ACOXL: variants seen among roughly 807,000 people sequenced by gnomAD.
ACOXL encodes acyl-CoA oxidase like.
In ACOXL, 70 loss-of-function variants were observed where a neutral mutation model predicts 71.9. The ratio of observed to expected loss-of-function variants is 0.97; its 90% CI spans 0.80 to 1.19. ACOXL has a LOEUF of 1.19. ACOXL is among the 50% of genes most tolerant of loss of function. ACOXL has a pLI of 0.00. For missense variants in ACOXL, 703 were observed against 736.3 expected (o/e 0.95, Z 0.52); for synonymous variants, 253 against 281.6 (o/e 0.90, Z 1.02).
chr2:110,915,348 ATATGTGTGTGTGTGTG>A (rs1287404184), intron 11 of ACOXL, among the ~76,000 whole-genome samples: 2 of 127,150 alleles, frequency 1.6e-5, no homozygotes, highest in African/African-American at 5.6e-5. Flanking sequence ...ATATATATAT[ATATGTGTGTGTGTGTG>A]TGTGTGTGTG....
intron 10 of ACOXL, among the ~76,000 whole-genome samples, chr2:110,895,013 T>A (rs1434040624): frequency 6.6e-6 from 1 of 152,094 alleles, no homozygotes; most frequent in African/African-American, 2.4e-5. Flanking sequence ...TGAAAATCAC[T>A]CACTATATCA....
chr2:110,768,435 CCT>C lies in ACOXL; in HGVS notation c.49_50del (p.Leu17ValfsTer55). On this transcript the variant is annotated frameshift_variant, in exon 2 of 18. Coordinates refer to ENST00000439055, the MANE Select transcript of ACOXL (RefSeq NM_001142807.4). LOFTEE classifies it high-confidence loss of function. Reference sequence around the variant, plus strand: ...GAGAGTGAAGTTTGCCATGGACCTGCCTCTGTTAAAACGTGCAGGTCAGGATC... The same window carrying C: ...GAGAGTGAAGTTTGCCATGGACCTGCCTGTTAAAACGTGCAGGTCAGGATC... ...VQRVKFAMDL[P>X]LLKRAGQDLA... 6.2e-7 allele frequency: 1 copy of C among 1,613,284 alleles called. No individual in the cohort carries two copies. The highest frequency in any genetic ancestry group is 8.5e-7 in the Non-Finnish European group (1 of 1,179,884).
At chr2:111,085,055 C>T (rs1446952839) in intron 16 of ACOXL, among the ~76,000 whole-genome samples, 2 of 152,102 alleles carry the variant, frequency 1.3e-5, no homozygotes, top group Non-Finnish European at 2.9e-5. Flanking sequence ...ATGTACACAA[C>T]ACAGGAACAC....
At position 111,022,093 on chromosome 2, in the gene ACOXL, C is replaced by G. The variant is rs749742923; in HGVS notation, c.1282-9534C>G. ...GAAGGCCGGACGTGGTGGCTCATGC[C>G]TGTAATCCCAGCACTTTGGGAGGCC... On this transcript the variant is annotated intron_variant, in intron 14 of 17. Transcript: ENST00000439055. Among the ~76,000 whole-genome samples, 35 of 152,260 alleles carry G rather than the reference C, an allele frequency of 2.3e-4. No individual in the cohort carries two copies. The Middle Eastern group carries it at 0.024, about 104-fold the overall frequency.
intron 14 of ACOXL, among the ~76,000 whole-genome samples, chr2:111,012,659 C>A (rs1316439100): frequency 6.6e-6 from 1 of 152,160 alleles, no homozygotes; most frequent in Non-Finnish European, 1.5e-5. Context: ...TCTGGAAAAT[C>A]TTCCAAATAT....
At position 111,091,447 on chromosome 2, in the gene ACOXL, C is replaced by A. The variant is rs76894640; in HGVS notation, c.1441-1418C>A. ...GTCACTGATCTTATATTTTTGTATACCTGAGCGATGAGGATTAAATTTCTG... is the reference window on the plus strand; with the variant it reads ...GTCACTGATCTTATATTTTTGTATAACTGAGCGATGAGGATTAAATTTCTG... On this transcript the variant is annotated intron_variant, in intron 16 of 17. Coordinates refer to ENST00000439055, the MANE Select transcript of ACOXL (RefSeq NM_001142807.4). Among the ~76,000 whole-genome samples, 1,201 of 152,208 alleles carry A rather than the reference C, an allele frequency of 7.9e-3. 15 individuals are homozygous for A. Among genetic ancestry groups the A allele is most frequent in the East Asian group, 0.047 (243 of 5,184 alleles).
chr2:110,770,035 C>G (rs1234474590), intron 2 of ACOXL, among the ~76,000 whole-genome samples: 2 of 151,990 alleles, frequency 1.3e-5, no homozygotes, highest in African/African-American at 4.8e-5. Context: ...GGAGTGAGAC[C>G]CTGTCTCAAA....
intron 14 of ACOXL, among the ~76,000 whole-genome samples, chr2:111,008,642 ATGT>A (rs779441763): frequency 1.3e-5 from 2 of 152,170 alleles, no homozygotes; most frequent in South Asian, 2.1e-4. Context: ...GTTTCTAGAA[ATGT>A]TGTTGTTAGG....
chr2:110,734,889 A>G (rs939180017), intron 1 of ACOXL, among the ~76,000 whole-genome samples: 2 of 1,120 alleles, frequency 1.8e-3, no homozygotes, highest in Admixed American at 8.9e-3. Flanking sequence ...TTTCCCCCTT[A>G]TTGACTTACA....
rs180780519 is a variant in ACOXL, at chr2:110,851,973, C to T, written c.788+10568C>T. Among the ~76,000 whole-genome samples the T allele has an allele frequency of 4.7e-3, 712 of 152,234 alleles. 3 individuals are homozygous for T. Among genetic ancestry groups the T allele is most frequent in the African/African-American group, 0.017 (689 of 41,492 alleles). ...GCTGAGTGCAGGGCAGAGAGCAGGA[C>T]GGAGAGAGAATGAGCTTGGAGGAAG... On this transcript the variant is annotated intron_variant, in intron 10 of 17. Coordinates refer to ENST00000439055, the MANE Select transcript of ACOXL (RefSeq NM_001142807.4).
intron 10 of ACOXL, among the ~76,000 whole-genome samples, chr2:110,881,203 C>A (rs527504122): frequency 6.6e-6 from 1 of 151,330 alleles, no homozygotes. Context: ...ACATACATAT[C>A]ATATATGTAG....
intron 16 of ACOXL, among the ~76,000 whole-genome samples, chr2:111,081,297 T>G (rs2067905672): frequency 6.6e-6 from 1 of 152,206 alleles, no homozygotes. Flanking sequence ...AGAATCTCCT[T>G]AAGCGTATAA....
At chr2:110,871,664 A>G (rs542011761) in intron 10 of ACOXL, among the ~76,000 whole-genome samples, 6 of 152,290 alleles carry the variant, frequency 3.9e-5, no homozygotes, top group African/African-American at 1.4e-4. Context: ...GTAAGATGAA[A>G]GTCAAGAAAA....
chr2:110,972,443 G>C (rs761726856), intron 12 of ACOXL, among the ~76,000 whole-genome samples: 5 of 152,174 alleles, frequency 3.3e-5, no homozygotes. Context: ...GATCCAGCCG[G>C]AAACACTTCT....
At chr2:110,870,319 C>G (rs1396621554) in intron 10 of ACOXL, among the ~76,000 whole-genome samples, 1 of 151,286 alleles carries the variant, frequency 6.6e-6, no homozygotes. Flanking sequence ...CATCGACTTC[C>G]TTTTCAAGGG....
chr2:110,796,832 G>A (rs1685342244), intron 5 of ACOXL, among the ~76,000 whole-genome samples: 1 of 152,210 alleles, frequency 6.6e-6, no homozygotes, highest in Non-Finnish European at 1.5e-5. Flanking sequence ...AAGTTTCCCT[G>A]TGCAAACATA....
Position 110,989,103 on chromosome 2 carries a change from T to C in ACOXL, c.1169+1886T>C, listed in dbSNP as rs114860909. 3.5e-3 allele frequency among the ~76,000 whole-genome samples: 537 copies of C among 152,294 alleles called. 3 individuals are homozygous for C. The highest frequency in any genetic ancestry group is 0.012 in the African/African-American group (512 of 41,568). ...CTATTCTGAGGTCATGAAATCTATATCTTTAAAACTTTGAAAGTCTCACCT... is the reference window on the plus strand; with the variant it reads ...CTATTCTGAGGTCATGAAATCTATACCTTTAAAACTTTGAAAGTCTCACCT... On this transcript the variant is annotated intron_variant, in intron 13 of 17. Coordinates refer to ENST00000439055, the MANE Select transcript of ACOXL (RefSeq NM_001142807.4).
chr2:111,085,228 C>A (rs1214071635), intron 16 of ACOXL, among the ~76,000 whole-genome samples: 1 of 151,870 alleles, frequency 6.6e-6, no homozygotes, highest in Non-Finnish European at 1.5e-5. Context: ...ATCAAATGGA[C>A]CTGATAGACA....
At chr2:111,055,487 A>G (rs1426013550) in intron 16 of ACOXL, among the ~76,000 whole-genome samples, 1 of 152,228 alleles carries the variant, frequency 6.6e-6, no homozygotes, top group Non-Finnish European at 1.5e-5. Context: ...TTCCTTCTGC[A>G]GGTGGCTCTT....
Sources: gnomAD v4.1 joint callset for allele counts (sites outside exome capture counted in the v4.1 genomes callset) on GRCh38, gnomAD v4.1.1 for gene constraint, MANE v1.5 for transcripts, NCBI Gene and HGNC (gene_info 2026-07-23, HGNC 2026-07-21) for gene names.